Variants in FMO2 observed in about 807,000 individuals in gnomAD.
The protein encoded by FMO2 is flavin-containing monooxygenase 2.
A neutral mutation model predicts 41.6 loss-of-function variants in FMO2; 33 were observed. That is an observed-to-expected ratio of 0.79 (90% CI 0.60 to 1.06). The LOEUF (loss-of-function observed/expected upper bound fraction) is 1.06. Among genes scored for constraint, FMO2 ranks in the 50% least tolerant of loss-of-function variants. The pLI is 0.00. For synonymous variants in FMO2, 214 were observed against 219.6 expected (o/e 0.97, Z 0.23); for missense variants, 619 against 632.9 (o/e 0.98, Z 0.23).
At chr1:171,200,895 G>A (rs1557980904) in intron 5 of FMO2, among the ~76,000 whole-genome samples, 1 of 152,114 alleles carries the variant, frequency 6.6e-6, no homozygotes, top group Non-Finnish European at 1.5e-5. Flanking sequence ...TGTGTAATGG[G>A]GCAGTATGTG....
rs1658637524 is a variant in FMO2, at chr1:171,203,846, A to C, written c.628-19A>C. 1.1e-5 allele frequency: 18 copies of C among 1,611,584 alleles called. No individual in the cohort carries two copies. The highest frequency in any genetic ancestry group is 1.7e-5 in the Admixed American group (1 of 59,864). ...GGGACAATGCCCTAATTTAAACTGC[A>C]TTTCTTTTTGCTTGCCAGGTTTTTA... is the stretch of plus-strand genomic sequence containing the variant. On this transcript the variant is annotated intron_variant, in intron 5 of 8. Transcript: ENST00000209929.
At chr1:171,190,664 T>C (rs1023531204) in intron 2 of FMO2, among the ~76,000 whole-genome samples, 1 of 152,198 alleles carries the variant, frequency 6.6e-6, no homozygotes, top group Admixed American at 6.5e-5. Context: ...AGTTCAAGCA[T>C]TTGATACATA....
chr1:171,185,644 A>T (rs1043386714), intron 1 of FMO2, 64 bp from the exon 2 acceptor site: 2 of 1,546,776 alleles, frequency 1.3e-6, no homozygotes, highest in African/African-American at 2.7e-5. Flanking sequence ...ACCTGAGCAC[A>T]TCATAAGGAT....
intron 4 of FMO2, 28 bp from the exon 5 acceptor site, chr1:171,199,318 A>G: frequency 6.5e-7 from 1 of 1,539,866 alleles, no homozygotes; most frequent in South Asian, 1.3e-5. Context: ...TCTGGAGCTC[A>G]CAGACTTCTC....
intron 5 of FMO2, among the ~76,000 whole-genome samples, chr1:171,201,625 C>A (rs140700968): frequency 5.9e-5 from 9 of 152,310 alleles, no homozygotes; most frequent in African/African-American, 1.9e-4. Flanking sequence ...TCCAAAAGCA[C>A]CACTCAAGAT....
chr1:171,190,503 C>G (rs1658033611), intron 2 of FMO2, among the ~76,000 whole-genome samples: 1 of 152,164 alleles, frequency 6.6e-6, no homozygotes, highest in South Asian at 2.1e-4. Flanking sequence ...CTCTGTCCTC[C>G]TCTTGATTGA....
rs1333766864 is a variant in FMO2, at chr1:171,200,649, CAGTT to C, written c.627+1169_627+1172del. 8.5e-5 allele frequency among the ~76,000 whole-genome samples: 13 copies of C among 152,320 alleles called. No individual in the cohort carries two copies. The East Asian group carries it at 9.6e-4, about 11-fold the overall frequency. ...GGACCTGTCAGAGTCATCTATCAGTCAGTTAGTTAGTGCCAGCCCGGGAACAGAG... is the reference window on the plus strand; with the variant it reads ...GGACCTGTCAGAGTCATCTATCAGTCAGTTAGTGCCAGCCCGGGAACAGAG... On this transcript the variant is annotated intron_variant, in intron 5 of 8. Coordinates refer to ENST00000209929, the MANE Select transcript of FMO2 (RefSeq NM_001460.5).
rs1658978942 is a variant in FMO2 at position 171,211,499 on chromosome 1, T to G, written c.*2354T>G. Among the ~76,000 whole-genome samples the G allele has an allele frequency of 6.7e-6, 1 of 150,058 alleles. No homozygotes were observed. ...AGTGGAAGAGATTGAAAAGCATTTG[T>G]CAGGTTAATGCTAAATCAGTGCGGA... On this transcript the variant is annotated 3_prime_UTR_variant, in exon 9 of 9. Transcript: ENST00000209929.
rs899301717 is a variant in FMO2, at chr1:171,209,978, A to T, written c.*833A>T. On this transcript the variant is annotated 3_prime_UTR_variant, in exon 9 of 9. Coordinates refer to ENST00000209929, the MANE Select transcript of FMO2 (RefSeq NM_001460.5). The stretch of plus-strand genomic sequence containing the variant: ...ATCTTGTGAGGCAGCTGGAATTGGA[A>T]CTCAGATTTGTTGAACTCTAGAACT... 1 of 152,164 alleles carries T rather than the reference A, an allele frequency of 6.6e-6. No homozygotes were observed. Among genetic ancestry groups the T allele is most frequent in the Non-Finnish European group, 1.5e-5 (1 of 68,020 alleles). 9.4% of individuals were successfully genotyped at this position (152,164 alleles called of 1,614,324 possible). A position where few individuals can be genotyped will look rare whatever the true frequency, so the allele number is the denominator to read the frequency against.
At chr1:171,200,525 C>G (rs1263853983) in intron 5 of FMO2, among the ~76,000 whole-genome samples, 1 of 152,138 alleles carries the variant, frequency 6.6e-6, no homozygotes, top group African/African-American at 2.4e-5. Flanking sequence ...AAATCATTTC[C>G]ATCCTAAGTC....
chr1:171,191,013 C>T (rs1384064039), intron 2 of FMO2, among the ~76,000 whole-genome samples: 7 of 151,918 alleles, frequency 4.6e-5, no homozygotes, highest in African/African-American at 1.5e-4. Context: ...GGCATGGTGG[C>T]GCATACCTGT....
rs895599121 is a variant in FMO2 at position 171,210,409 on chromosome 1, T to C, written c.*1264T>C. ...AGCTAAATAAACAATATGTAACCTC[T>C]AACATTTGGTAAAAGGAAGTATACT... On this transcript the variant is annotated 3_prime_UTR_variant, in exon 9 of 9. Transcript: ENST00000209929. 22 of 152,234 alleles carry C rather than the reference T, an allele frequency of 1.4e-4. No homozygotes were observed. The highest frequency in any genetic ancestry group is 3.1e-4 in the Non-Finnish European group (21 of 68,032). The allele number at this position is 152,234 out of a possible 1,614,324, so 9.4% of individuals were successfully genotyped here.
At position 171,196,747 on chromosome 1, in the gene FMO2, T is replaced by C; in HGVS notation, c.420T>C (p.Phe140=). The stretch of plus-strand genomic sequence containing the variant: ...ACGGCAAGGAGCAGAGTGCTGTCTT[T>C]GACGCAGTTATGGTTTGCAGTGGCC... ...QSNGKEQSAV[F]DAVMVCSGHH... The change falls in exon 4 of 9, where the codon TTT becomes TTC. Residue 140 remains phenylalanine, a synonymous_variant. Transcript: ENST00000209929. The C allele has an allele frequency of 6.2e-7, 1 of 1,613,764 alleles. No homozygotes were observed. The highest frequency in any genetic ancestry group is 1.7e-5 in the Admixed American group (1 of 60,012).
At chr1:171,187,671 C>T (rs1657909682) in intron 2 of FMO2, among the ~76,000 whole-genome samples, 2 of 148,612 alleles carry the variant, frequency 1.3e-5, no homozygotes, top group Admixed American at 1.3e-4. Flanking sequence ...TTTGTGGGCA[C>T]TCCATCCCAA....
At chr1:171,200,436 C>T (rs1658488762) in intron 5 of FMO2, among the ~76,000 whole-genome samples, 1 of 152,152 alleles carries the variant, frequency 6.6e-6, no homozygotes, top group South Asian at 2.1e-4. Flanking sequence ...AACCAGATGC[C>T]CAATCACTCT....
chr1:171,193,014 T>A (rs1658149177), intron 2 of FMO2, among the ~76,000 whole-genome samples: 1 of 152,174 alleles, frequency 6.6e-6, no homozygotes. Flanking sequence ...AAGCTGGTTG[T>A]CACAAAGACT....
chr1:171,192,263 G>A (rs1245508765), intron 2 of FMO2, among the ~76,000 whole-genome samples: 1 of 152,070 alleles, frequency 6.6e-6, no homozygotes, highest in African/African-American at 2.4e-5. Flanking sequence ...TGTTTATCCA[G>A]AGTTCAGATT....
intron 4 of FMO2, among the ~76,000 whole-genome samples, chr1:171,198,655 C>A (rs1279513184): frequency 6.6e-6 from 1 of 152,150 alleles, no homozygotes; most frequent in Non-Finnish European, 1.5e-5. Context: ...AGTTGATCCG[C>A]CCGCCTTGGC....
At chr1:171,193,674 G>C (rs910722824) in intron 3 of FMO2, 151 bp downstream of exon 3, 3 of 591,054 alleles carry the variant, frequency 5.1e-6, no homozygotes, top group Non-Finnish European at 8.8e-6. Context: ...AACCCAAAAA[G>C]TAGTGTCATT....
Sources: gnomAD v4.1 joint callset for allele counts (sites outside exome capture counted in the v4.1 genomes callset) on GRCh38, gnomAD v4.1.1 for gene constraint, MANE v1.5 for transcripts, NCBI Gene and HGNC (gene_info 2026-07-23, HGNC 2026-07-21) for gene names.